Variants in PANK2 observed in about 807,000 individuals in gnomAD.
PANK2 encodes the protein pantothenate kinase 2, mitochondrial.
In PANK2, 36 loss-of-function variants were observed where a neutral mutation model predicts 43.1. The ratio of observed to expected loss-of-function variants is 0.84; its 90% CI spans 0.64 to 1.10. The LOEUF (loss-of-function observed/expected upper bound fraction) is 1.10, where lower values mean the gene tolerates loss of function less well. PANK2 is among the 50% of genes least tolerant of loss of function. The pLI is 0.00. For missense variants in PANK2, 576 were observed against 593.3 expected (o/e 0.97, Z 0.30); for synonymous variants, 281 against 238.2 (o/e 1.18, Z -1.66).
At chr20:3,912,930 CAAAAAAAAAAA>C (rs71331078) in intron 4 of PANK2, among the ~76,000 whole-genome samples, 1 of 71,490 alleles carries the variant, frequency 1.4e-5, no homozygotes, top group South Asian at 7.7e-4. Flanking sequence ...GACTCTGTCT[CAAAAAAAAAAA>C]AAAAAAAAAA....
intron 1 of PANK2, among the ~76,000 whole-genome samples, chr20:3,892,646 A>T (rs2090142619): frequency 7.4e-6 from 1 of 134,840 alleles, no homozygotes; most frequent in Admixed American, 8.8e-5. Flanking sequence ...ACTGCACTCC[A>T]GCCTGGGCGA....
chr20:3,892,383 C>T (rs1000394601), intron 1 of PANK2, among the ~76,000 whole-genome samples: 5 of 151,784 alleles, frequency 3.3e-5, no homozygotes, highest in Middle Eastern at 6.9e-3. Flanking sequence ...TGTTGACTGC[C>T]GAACCCTCCT....
intron 5 of PANK2, chr20:3,917,473 C>T (rs775263484): frequency 1.9e-6 from 1 of 534,910 alleles, no homozygotes. Context: ...TTGGCTCCCC[C>T]ACCTCAGCAG....
chr20:3,908,239 T>G lies in PANK2; in HGVS notation c.612T>G (p.Thr204=). Residue 204 remains threonine, a synonymous_variant, in exon 2 of 7, where the codon ACT becomes ACG. Transcript: ENST00000610179. ...GTCTCCACACTGTCTTTTGTGCCAC[T>G]GGAGGTGGAGCGTACAAATTTGAGC... The G allele has an allele frequency of 6.2e-7, 1 of 1,611,850 alleles. No homozygotes were observed. Among genetic ancestry groups the G allele is most frequent in the Non-Finnish European group, 8.5e-7 (1 of 1,179,980 alleles).
chr20:3,922,790 C>T (rs932539831), intron 6 of PANK2, among the ~76,000 whole-genome samples: 2 of 152,288 alleles, frequency 1.3e-5, no homozygotes, highest in East Asian at 3.9e-4. Context: ...CCAGCTCAGT[C>T]GGGCTCTCAC....
chr20:3,901,668 G>A (rs1600514970), intron 1 of PANK2: 5 of 633,872 alleles, frequency 7.9e-6, no homozygotes, highest in Non-Finnish European at 9.8e-6. Flanking sequence ...CAGTACTTTT[G>A]TTTATTTCTT....
chr20:3,892,923 C>A (rs2090147432), intron 1 of PANK2, among the ~76,000 whole-genome samples: 1 of 151,946 alleles, frequency 6.6e-6, no homozygotes, highest in African/African-American at 2.4e-5. Flanking sequence ...TTAAGTTCTT[C>A]AAAAGTTTTG....
chr20:3,901,692 T>G, intron 1 of PANK2: 1 of 783,966 alleles, frequency 1.3e-6, no homozygotes. Context: ...GCTCTTGGAT[T>G]AAAAAAAAGT....
chr20:3,901,519 ATCTATCTTTTCTTCCCTTT>A, intron 1 of PANK2: 1 of 698,904 alleles, frequency 1.4e-6, no homozygotes, highest in African/African-American at 1.9e-5. Context: ...ATTAATCAGA[ATCTATCTTTTCTTCCCTTT>A]TCCAACAAGA....
At chr20:3,901,270 A>G (rs2090296861) in intron 1 of PANK2, among the ~76,000 whole-genome samples, 1 of 151,416 alleles carries the variant, frequency 6.6e-6, no homozygotes, top group African/African-American at 2.4e-5. Context: ...TGGTCTCCCA[A>G]CTCCTGGCCT....
intron 1 of PANK2, chr20:3,889,944 C>T (rs1035021247): frequency 6.5e-7 from 1 of 1,527,930 alleles, no homozygotes; most frequent in Non-Finnish European, 8.8e-7. Flanking sequence ...TATGCACTTC[C>T]CGCTTGTTGG....
At chr20:3,912,834 C>G (rs538879125) in intron 4 of PANK2, among the ~76,000 whole-genome samples, 200 bp downstream of exon 4, 1 of 144,840 alleles carries the variant, frequency 6.9e-6, no homozygotes, top group Non-Finnish European at 1.5e-5. Context: ...CCTGTAGACC[C>G]AGGTACTTGG....
Sources: gnomAD v4.1 joint callset for allele counts (sites outside exome capture counted in the v4.1 genomes callset) on GRCh38, gnomAD v4.1.1 for gene constraint, MANE v1.5 for transcripts, NCBI Gene and HGNC (gene_info 2026-07-23, HGNC 2026-07-21) for gene names.